Variants in KCTD18 observed in about 807,000 individuals in gnomAD.
The protein encoded by KCTD18 is BTB/POZ domain-containing protein KCTD18.
Under a neutral mutation model 30.4 loss-of-function variants are expected in KCTD18, and 22 were observed. The ratio of observed to expected loss-of-function variants is 0.72; its 90% CI spans 0.52 to 1.03. The LOEUF (loss-of-function observed/expected upper bound fraction) is 1.03. KCTD18 is among the 50% of genes least tolerant of loss of function. The pLI is 0.00. For synonymous variants in KCTD18, 186 were observed against 209.0 expected (o/e 0.89, Z 0.95); for missense variants, 529 against 547.6 (o/e 0.97, Z 0.34).
rs768582753 is a variant in KCTD18 at position 200,490,227 on chromosome 2, C to T, written c.1154G>A (p.Cys385Tyr). ...RVIKLKRTPL[C>Y]ATAPCLPSPT... ...GGAGGGCAGGCAAGGCGCGGTGGCG[C>T]ACAGCGGAGTCCTCTTCAGCTTTAT... The change falls in exon 7 of 7, where the codon TGC (cysteine) becomes TAC (tyrosine). Residue 385 changes from cysteine to tyrosine, a missense_variant. Transcript: ENST00000359878. 3 of 1,613,870 alleles carry T rather than the reference C, an allele frequency of 1.9e-6. No individual in the cohort carries two copies. The highest frequency in any genetic ancestry group is 2.5e-6 in the Non-Finnish European group (3 of 1,179,684).
At chr2:200,497,664 C>G (rs1559183250) in intron 5 of KCTD18, 89 bp downstream of exon 5, 1 of 877,068 alleles carries the variant, frequency 1.1e-6, no homozygotes, top group Non-Finnish European at 1.9e-6. Context: ...AGAATACTTT[C>G]TAAAAAAAGA....
At chr2:200,493,100 T>C in intron 6 of KCTD18, 72 bp downstream of exon 6, 2 of 831,348 alleles carry the variant, frequency 2.4e-6, no homozygotes. Context: ...TTATTCATTT[T>C]CCCTTCACAA....
chr2:200,508,066 A>T (rs184061323), intron 1 of KCTD18, among the ~76,000 whole-genome samples: 7 of 152,294 alleles, frequency 4.6e-5, no homozygotes, highest in Admixed American at 3.9e-4. Flanking sequence ...TGTGAAATGG[A>T]TGAAGCTTTA....
intron 6 of KCTD18, among the ~76,000 whole-genome samples, chr2:200,491,083 G>A (rs938282511): frequency 4.6e-5 from 7 of 152,200 alleles, no homozygotes; most frequent in Middle Eastern, 3.2e-3. Context: ...ATGTTGAAAT[G>A]TGATCCCCAA....
chr2:200,503,681 T>C (rs1310250695), intron 3 of KCTD18, among the ~76,000 whole-genome samples: 1 of 152,240 alleles, frequency 6.6e-6, no homozygotes, highest in Non-Finnish European at 1.5e-5. Flanking sequence ...AGAACCCATA[T>C]AACTATTTAA....
rs371332768 is a variant in KCTD18, at chr2:200,490,297, C to T, written c.1084G>A (p.Ala362Thr). 5 of 1,614,152 alleles carry T rather than the reference C, an allele frequency of 3.1e-6. No individual in the cohort carries two copies. Among genetic ancestry groups the T allele is most frequent in the African/African-American group, 1.3e-5 (1 of 74,956 alleles). Residue 362 changes from alanine (A) to threonine (T), a missense_variant, in exon 7 of 7, where the codon GCT (alanine) becomes ACT (threonine). By Grantham distance (58) the Ala-to-Thr change is moderately conservative. Coordinates refer to ENST00000359878, the MANE Select transcript of KCTD18 (RefSeq NM_152387.4). ...AENGGTHLPP[A>T]KVLLSDKKPT... The stretch of plus-strand genomic sequence containing the variant: ...TTCTTGTCGGAGAGTAGCACCTTAG[C>T]TGGAGGTAAGTGCGTGCCTCCATTT...
chr2:200,504,680 C>A, intron 3 of KCTD18, 68 bp downstream of exon 3: 1 of 1,128,434 alleles, frequency 8.9e-7, no homozygotes, highest in Non-Finnish European at 1.3e-6. Flanking sequence ...ACAGGCTATG[C>A]AAAATAGTAC....
chr2:200,502,157 G>A (rs1246328005), intron 3 of KCTD18, among the ~76,000 whole-genome samples: 1 of 151,966 alleles, frequency 6.6e-6, no homozygotes, highest in African/African-American at 2.4e-5. Flanking sequence ...GTAGGGGGGA[G>A]GGATAGCATT....
chr2:200,494,979 T>C (rs1419448316), intron 5 of KCTD18, among the ~76,000 whole-genome samples: 6 of 152,240 alleles, frequency 3.9e-5, no homozygotes, highest in Non-Finnish European at 8.8e-5. Context: ...TATGTAGCAA[T>C]GATCATTTCT....
In KCTD18 at chr2:200,506,943, G is replaced by T. The variant is rs759994885; in HGVS notation, c.74C>A (p.Ala25Asp). Residue 25 changes from alanine (A) to aspartate (D), a missense_variant, in exon 2 of 7, where the codon GCC (alanine) becomes GAC (aspartate). Physicochemically the swap from Ala to Asp is moderately radical, Grantham distance 126. Transcript: ENST00000359878. ...RLNVGGCIYT[A>D]RRESLCRFKD... ...GAAGCGGCACAAGGACTCCCGCCGG[G>T]CTGTGTAAATACAGCCACCCACGTT... 11 of 1,613,986 alleles carry T rather than the reference G, an allele frequency of 6.8e-6. No individual in the cohort carries two copies. Among genetic ancestry groups the T allele is most frequent in the Non-Finnish European group, 9.3e-6 (11 of 1,179,920 alleles).
rs775796722 is a variant in KCTD18, at chr2:200,506,888, A to T, written c.129T>A (p.Ser43Arg). 3.1e-6 allele frequency: 5 copies of T among 1,613,960 alleles called. No homozygotes were observed. The African/African-American group carries it at 6.7e-5, about 22-fold the overall frequency. Residue 43 changes from serine (S) to arginine (R), a missense_variant, in exon 2 of 7, where the codon AGT (serine) becomes AGA (arginine). Ser to Arg is a moderately radical substitution (Grantham distance 110, BLOSUM62 -1). Transcript: ENST00000359878. The part of the protein sequence containing the change: ...FKDSMLASMF[S>R]GRFPLKTDES... Reference sequence around the variant, plus strand: ...CATCTGTTTTTAGAGGAAAGCGACCACTGAACATAGATGCCAACATGGAGT... The same window carrying T: ...CATCTGTTTTTAGAGGAAAGCGACCTCTGAACATAGATGCCAACATGGAGT...
At chr2:200,490,677 C>T in intron 6 of KCTD18, 61 bp from the exon 7 acceptor site, 2 of 1,491,634 alleles carry the variant, frequency 1.3e-6, no homozygotes, top group Non-Finnish European at 1.8e-6. Flanking sequence ...ATGAAAACAT[C>T]TCCCAAGTTT....
At chr2:200,500,610 C>T (rs368320450) in intron 3 of KCTD18, among the ~76,000 whole-genome samples, 27 of 150,346 alleles carry the variant, frequency 1.8e-4, no homozygotes, top group African/African-American at 6.6e-4. Context: ...AACTACAAAC[C>T]ACTGCTCAAG....
In KCTD18 at chr2:200,506,941, G is replaced by T. The variant is rs751451505; in HGVS notation, c.76C>A (p.Arg26=). 2 of 1,613,800 alleles carry T rather than the reference G, an allele frequency of 1.2e-6. No individual in the cohort carries two copies. The highest frequency in any genetic ancestry group is 3.3e-5 in the Admixed American group (2 of 59,986). ...LNVGGCIYTA[R]RESLCRFKDS... is the part of the protein sequence containing the mutation. Reference sequence around the variant, plus strand: ...TTGAAGCGGCACAAGGACTCCCGCCGGGCTGTGTAAATACAGCCACCCACG... The same window carrying T: ...TTGAAGCGGCACAAGGACTCCCGCCTGGCTGTGTAAATACAGCCACCCACG... The change falls in exon 2 of 7, where the codon CGG becomes AGG. Residue 26 remains arginine (R), a synonymous_variant. Transcript: ENST00000359878.
chr2:200,498,728 A>G (rs2088035998), intron 4 of KCTD18, among the ~76,000 whole-genome samples, 163 bp downstream of exon 4: 1 of 152,156 alleles, frequency 6.6e-6, no homozygotes, highest in Non-Finnish European at 1.5e-5. Flanking sequence ...CTTAATTATA[A>G]TTTCCTCATG....
intron 3 of KCTD18, among the ~76,000 whole-genome samples, chr2:200,504,458 CAA>C (rs761524442): frequency 2.2e-4 from 13 of 59,252 alleles, no homozygotes; most frequent in African/African-American, 3.7e-4. Context: ...GACTCTGCCT[CAA>C]AAAAAAAAAA....
Position 200,493,075 on chromosome 2 carries a change from T to C in KCTD18, c.764+97A>G. On this transcript the variant is annotated intron_variant, in intron 6 of 6. Transcript: ENST00000359878. ...TCAAATCGGTGATTAATAAGCTTAG[T>C]AAGGTCAAGAATTATTATTCATTTT... 3 of 702,592 alleles carry C rather than the reference T, an allele frequency of 4.3e-6. No homozygotes were observed. The South Asian group carries it at 4.9e-5, about 12-fold the overall frequency. The allele number at this position is 702,592 out of a possible 1,614,324, so 43.5% of individuals were successfully genotyped here.
rs1237406886 is a variant in KCTD18 at position 200,489,627 on chromosome 2, C to A, written c.*473G>T. 2.0e-5 allele frequency: 3 copies of A among 153,342 alleles called. No individual in the cohort carries two copies. In the Admixed American group the frequency reaches 2.0e-4, roughly 10 times the overall value. 9.5% of individuals were successfully genotyped at this position (153,342 alleles called of 1,614,324 possible). A position where few individuals can be genotyped will look rare whatever the true frequency, so the allele number is the denominator to read the frequency against. The stretch of plus-strand genomic sequence containing the variant: ...GAGACAGAGTAATTTGTAGGCAGCT[C>A]GCCTTGATCTACATTTTCTCTCTCT... On this transcript the variant is annotated 3_prime_UTR_variant, in exon 7 of 7. Coordinates refer to ENST00000359878, the MANE Select transcript of KCTD18 (RefSeq NM_152387.4).
At chr2:200,504,715 T>C (rs775527167) in intron 3 of KCTD18, 33 bp downstream of exon 3, 10 of 1,445,716 alleles carry the variant, frequency 6.9e-6, no homozygotes, top group South Asian at 5.9e-5. Context: ...ATCATAAATA[T>C]ATATATTCAA....
Sources: allele counts gnomAD v4.1 joint callset (sites outside exome capture counted in the v4.1 genomes callset), GRCh38; gene constraint gnomAD v4.1.1; transcripts MANE v1.5; gene names NCBI Gene and HGNC (gene_info 2026-07-23, HGNC 2026-07-21).